Variants in PALM2AKAP2 observed in about 807,000 individuals in gnomAD.
PALM2AKAP2 encodes the protein PALM2-AKAP2 fusion protein.
A neutral mutation model predicts 71.5 loss-of-function variants in PALM2AKAP2; 37 were observed. The ratio of observed to expected loss-of-function variants is 0.52; its 90% CI spans 0.40 to 0.68. The LOEUF (loss-of-function observed/expected upper bound fraction) is 0.68. Among genes scored for constraint, PALM2AKAP2 ranks in the 30% least tolerant of loss-of-function variants. The pLI is 0.00. For synonymous variants in PALM2AKAP2, 468 were observed against 478.8 expected, an observed-to-expected ratio of 0.98 and a Z score of 0.29; for missense variants, 1,224 against 1,191.8, an observed-to-expected ratio of 1.03 and a Z score of -0.40.
chr9:110,168,202 A>G (rs1438193221), intron 3 of PALM2AKAP2, among the ~76,000 whole-genome samples, 197 bp from the exon 11 acceptor site: 2 of 152,230 alleles, frequency 1.3e-5, no homozygotes. Flanking sequence ...TAGCAGATGA[A>G]TACTGGCTGT....
chr9:109,871,283 G>T (rs776874738), intron 2 of PALM2AKAP2, among the ~76,000 whole-genome samples: 1 of 152,096 alleles, frequency 6.6e-6, no homozygotes, highest in Non-Finnish European at 1.5e-5. Context: ...TACAGTAAAA[G>T]ACTAAAGTAT....
intron 6 of PALM2AKAP2, among the ~76,000 whole-genome samples, chr9:110,008,885 A>AT (rs1228841670): frequency 6.7e-6 from 1 of 149,578 alleles, no homozygotes; most frequent in African/African-American, 2.4e-5. Flanking sequence ...GGGCTGGAGC[A>AT]TTTAACTGCT....
At chr9:109,662,701 G>T (rs914876990) in intron 1 of PALM2AKAP2, among the ~76,000 whole-genome samples, 9 of 152,144 alleles carry the variant, frequency 5.9e-5, no homozygotes, top group Non-Finnish European at 8.8e-5. Flanking sequence ...TTAGGGAGGA[G>T]TCCCTCTTTT....
At chr9:109,925,190 C>A in intron 5 of PALM2AKAP2, 108 bp downstream of exon 5, 1 of 1,548,522 alleles carries the variant, frequency 6.5e-7, no homozygotes, top group Non-Finnish European at 8.9e-7. Flanking sequence ...TTTGTAAAGG[C>A]ATCAGAAGAA....
chr9:109,865,529 G>C (rs1829426515), intron 1 of PALM2AKAP2, among the ~76,000 whole-genome samples: 1 of 152,170 alleles, frequency 6.6e-6, no homozygotes, highest in Admixed American at 6.5e-5. Flanking sequence ...TGCCTGGTAA[G>C]TTTTCTTCTG....
At chr9:110,147,314 C>A (rs1020928793) in intron 2 of PALM2AKAP2, among the ~76,000 whole-genome samples, 2 of 151,496 alleles carry the variant, frequency 1.3e-5, no homozygotes, top group Non-Finnish European at 2.9e-5. Flanking sequence ...ATGACAGTCA[C>A]TTCTCTGGAT....
chr9:110,132,061 G>A (rs939509771), intron 1 of PALM2AKAP2, among the ~76,000 whole-genome samples: 3 of 148,588 alleles, frequency 2.0e-5, no homozygotes, highest in African/African-American at 5.2e-5. Flanking sequence ...GTGTGTGTGT[G>A]TGTGTGTGTG....
chr9:110,014,567 G>C (rs1202513541), intron 6 of PALM2AKAP2, among the ~76,000 whole-genome samples: 3 of 151,528 alleles, frequency 2.0e-5, no homozygotes, highest in Non-Finnish European at 4.4e-5. Flanking sequence ...GAGGTCAGGA[G>C]TTCGAGACCA....
intron 1 of PALM2AKAP2, among the ~76,000 whole-genome samples, chr9:109,820,409 C>T (rs1449130325): frequency 6.6e-6 from 1 of 152,218 alleles, no homozygotes. Context: ...GCCGTCACCT[C>T]AGTCCATTGT....
At chr9:109,643,426 A>G (rs1441224305) in intron 1 of PALM2AKAP2, among the ~76,000 whole-genome samples, 1 of 152,206 alleles carries the variant, frequency 6.6e-6, no homozygotes, top group Non-Finnish European at 1.5e-5. Flanking sequence ...AATATTTGAT[A>G]TGTTTCTCCC....
intron 2 of PALM2AKAP2, among the ~76,000 whole-genome samples, chr9:110,146,393 T>G (rs1397355152): frequency 6.6e-6 from 1 of 152,186 alleles, no homozygotes; most frequent in Non-Finnish European, 1.5e-5. Flanking sequence ...TGTGTCTGGG[T>G]TGGCTCCTGC....
At position 109,932,066 on chromosome 9, in the gene PALM2AKAP2, A is replaced by G. The variant is rs779180478; in HGVS notation, c.496+38A>G. On this transcript the variant is annotated intron_variant, in intron 6 of 9. Coordinates refer to the PALM2AKAP2 transcript ENST00000302798. ...GACCTTTGGACGCTAGGATGGTCCA[A>G]GGGGCTTGCATTTCACTGAGCTTTA... The G allele has an allele frequency of 2.0e-5, 31 of 1,567,542 alleles. 1 individual carries two copies. In the East Asian group the frequency reaches 5.2e-4, roughly 27 times the overall value.
intron 3 of PALM2AKAP2, among the ~76,000 whole-genome samples, chr9:109,903,576 G>A (rs908091459): frequency 6.6e-6 from 1 of 152,038 alleles, no homozygotes; most frequent in African/African-American, 2.4e-5. Flanking sequence ...AAACAACAAG[G>A]GAACAAGGAG....
At chr9:109,677,667 CA>C (rs33952632) in intron 1 of PALM2AKAP2, among the ~76,000 whole-genome samples, 16,557 of 98,520 alleles carry the variant, frequency 0.17, 981 homozygotes, top group Non-Finnish European at 0.23. Context: ...GACTCTGTCT[CA>C]AAAAAAAAAA....
At chr9:110,074,326 A>C (rs1187228673) in intron 1 of PALM2AKAP2, among the ~76,000 whole-genome samples, 8 of 152,156 alleles carry the variant, frequency 5.3e-5, no homozygotes, top group South Asian at 2.1e-4. Flanking sequence ...ATCTCAAATA[A>C]ATAAGTAAGT....
At position 109,668,345 on chromosome 9, in the gene PALM2AKAP2, G is replaced by A. The variant is rs116777389; in HGVS notation, c.5+27479G>A. On this transcript the variant is annotated intron_variant, in intron 1 of 6. Transcript: ENST00000374531. The stretch of plus-strand genomic sequence containing the variant: ...ATAAAACTGTCATTTGCATATAGAG[G>A]AAAACTTAATTTGCTGTTTCTTTCT... Among the ~76,000 whole-genome samples, 717 of 152,294 alleles carry A rather than the reference G, an allele frequency of 4.7e-3. 8 individuals are homozygous for A. The highest frequency in any genetic ancestry group is 0.016 in the African/African-American group (683 of 41,542).
chr9:109,679,418 A>T (rs1670754772), intron 1 of PALM2AKAP2, among the ~76,000 whole-genome samples: 1 of 152,174 alleles, frequency 6.6e-6, no homozygotes, highest in Admixed American at 6.5e-5. Flanking sequence ...CTTGTCTTTC[A>T]CCAGGTGGGA....
chr9:110,165,291 C>G (rs1836708296), intron 3 of PALM2AKAP2, among the ~76,000 whole-genome samples: 1 of 54,200 alleles, frequency 1.8e-5, no homozygotes, highest in South Asian at 6.9e-4. Flanking sequence ...GATTCACACA[C>G]ACACACACAC....
At chr9:110,100,458 G>T (rs1179356412) in intron 1 of PALM2AKAP2, among the ~76,000 whole-genome samples, 3 of 152,098 alleles carry the variant, frequency 2.0e-5, no homozygotes, top group African/African-American at 7.2e-5. Context: ...TCAGGTTTTG[G>T]TTCCTATAAG....
Sources: gnomAD v4.1 joint callset for allele counts (sites outside exome capture counted in the v4.1 genomes callset) on GRCh38, gnomAD v4.1.1 for gene constraint, MANE v1.5 for transcripts, NCBI Gene and HGNC (gene_info 2026-07-23, HGNC 2026-07-21) for gene names.